The following SNX30 variants were observed in gnomAD, a reference collection of about 807,000 sequenced individuals.
The protein encoded by SNX30 is sorting nexin-30.
In SNX30, 24 loss-of-function variants were observed where a neutral mutation model predicts 46.4. The ratio of observed to expected loss-of-function variants is 0.52; its 90% CI spans 0.37 to 0.73. The LOEUF is 0.73. Among genes scored for constraint, SNX30 ranks in the 30% least tolerant of loss-of-function variants. The probability of loss-of-function intolerance (pLI) is 0.00; values close to 1 mark genes in which losing one functional copy is unlikely to be tolerated. For missense variants in SNX30, 533 were observed against 555.7 expected (o/e 0.96, Z 0.41); for synonymous variants, 189 against 211.5 (o/e 0.89, Z 0.92).
At chr9:112,837,483 GT>G (rs768357470) in intron 5 of SNX30, among the ~76,000 whole-genome samples, 2 of 148,376 alleles carry the variant, frequency 1.3e-5, no homozygotes, top group African/African-American at 2.5e-5. Context: ...TTGGTTTTTG[GT>G]TTTTTTTTTG....
chr9:112,883,682 T>A (rs1354640531), downstream of SNX30, among the ~76,000 whole-genome samples: 1 of 133,252 alleles, frequency 7.5e-6, no homozygotes, highest in Admixed American at 8.9e-5. Flanking sequence ...TCTTTTCTGT[T>A]TTTTTCTTTT....
chr9:112,805,791 T>G (rs1374919373), intron 2 of SNX30, among the ~76,000 whole-genome samples: 1 of 152,168 alleles, frequency 6.6e-6, no homozygotes, highest in African/African-American at 2.4e-5. Context: ...ATCTTAAAAC[T>G]TATATCCTTT....
chr9:112,757,645 G>A (rs533424041), intron 1 of SNX30, among the ~76,000 whole-genome samples: 18 of 152,106 alleles, frequency 1.2e-4, no homozygotes, highest in Middle Eastern at 3.4e-3. Flanking sequence ...CCTTTTCCCC[G>A]CGTATATCAT....
chr9:112,764,403 T>C (rs1588107801), intron 1 of SNX30, among the ~76,000 whole-genome samples: 1 of 152,054 alleles, frequency 6.6e-6, no homozygotes, highest in East Asian at 1.9e-4. Flanking sequence ...TTTAAAGAGA[T>C]GGGGTCTCAC....
intron 1 of SNX30, among the ~76,000 whole-genome samples, chr9:112,771,434 G>GA (rs896513536): frequency 2.6e-5 from 4 of 152,072 alleles, no homozygotes; most frequent in Non-Finnish European, 4.4e-5. Context: ...TGCAACAATG[G>GA]AAAAAAACGT....
rs1032396941 is a variant in SNX30, at chr9:112,873,192, G to A, written c.*4349G>A. The A allele has an allele frequency of 2.0e-5, 3 of 152,080 alleles. No homozygotes were observed. Among genetic ancestry groups the A allele is most frequent in the African/African-American group, 7.2e-5 (3 of 41,406 alleles). The allele number at this position is 152,080 out of a possible 1,614,324, so 9.4% of individuals were successfully genotyped here. The stretch of plus-strand genomic sequence containing the variant: ...CCCTTTCTGTGTGGCAGAAAAATAT[G>A]TTTTCCAGGTAGTTTTTACTACTAC... On this transcript the variant is annotated 3_prime_UTR_variant, in exon 9 of 9. Coordinates refer to ENST00000374232, the MANE Select transcript of SNX30 (RefSeq NM_001012994.2).
In SNX30 at chr9:112,869,330, G is replaced by T; in HGVS notation, c.*487G>T. Reference sequence around the variant, plus strand: ...GTGGGCATTGACTCGTCTTGGCCTAGGAGGCATTGGTGCCTCCCTGGCAAG... The same window carrying T: ...GTGGGCATTGACTCGTCTTGGCCTATGAGGCATTGGTGCCTCCCTGGCAAG... On this transcript the variant is annotated 3_prime_UTR_variant, in exon 9 of 9. Transcript: ENST00000374232. 5.5e-6 allele frequency: 1 copy of T among 183,080 alleles called. No individual in the cohort carries two copies. Among genetic ancestry groups the T allele is most frequent in the East Asian group, 1.3e-4 (1 of 7,714 alleles). 11.3% of individuals were successfully genotyped at this position (183,080 alleles called of 1,614,324 possible).
At chr9:112,819,266 C>CTTTT (rs35138610) in intron 3 of SNX30, among the ~76,000 whole-genome samples, 72 of 116,970 alleles carry the variant, frequency 6.2e-4, no homozygotes, top group Non-Finnish European at 7.7e-4. Context: ...TTCTTTCTTT[C>CTTTT]TTTTTTTTTT....
chr9:112,761,594 GAAA>G (rs1298787982), intron 1 of SNX30, among the ~76,000 whole-genome samples: 2 of 152,212 alleles, frequency 1.3e-5, no homozygotes, highest in Non-Finnish European at 1.5e-5. Context: ...AGAAAGATTA[GAAA>G]ATATAAAGAT....
At chr9:112,771,636 T>C (rs566464257) in intron 1 of SNX30, among the ~76,000 whole-genome samples, 1 of 152,274 alleles carries the variant, frequency 6.6e-6, no homozygotes, top group African/African-American at 2.4e-5. Context: ...CTTCCCTCTC[T>C]CTTTCTAATT....
chr9:112,879,967 AC>A, downstream of SNX30: 1 of 616,274 alleles, frequency 1.6e-6, no homozygotes. Context: ...GTGCACTGTG[AC>A]CCATCTCCCT....
intron 1 of SNX30, among the ~76,000 whole-genome samples, chr9:112,774,528 C>T (rs934914019): frequency 2.6e-5 from 4 of 152,132 alleles, no homozygotes; most frequent in East Asian, 1.9e-4. Flanking sequence ...CTTTGGTTGA[C>T]GTGTTTTCAT....
chr9:112,827,099 C>A (rs1263660365), intron 3 of SNX30, among the ~76,000 whole-genome samples: 1 of 152,180 alleles, frequency 6.6e-6, no homozygotes, highest in African/African-American at 2.4e-5. Flanking sequence ...AAGAATCCCC[C>A]AGTATTCTTA....
In SNX30 at chr9:112,832,986, C is replaced by T. The variant is rs889500894; in HGVS notation, c.618+2103C>T. Among the ~76,000 whole-genome samples, 12 of 151,618 alleles carry T rather than the reference C, an allele frequency of 7.9e-5. No homozygotes were observed. In the East Asian group the frequency reaches 1.9e-3, roughly 24 times the overall value. On this transcript the variant is annotated intron_variant, in intron 4 of 8. Coordinates refer to ENST00000374232, the MANE Select transcript of SNX30 (RefSeq NM_001012994.2). The stretch of plus-strand genomic sequence containing the variant: ...ACAAATTTTAGCCCTAATTCAGTAT[C>T]GCTTGCTGAACAAAATGTGCTAAAT...
intron 6 of SNX30, among the ~76,000 whole-genome samples, chr9:112,848,958 A>G (rs1308965629): frequency 1.3e-5 from 2 of 152,124 alleles, no homozygotes; most frequent in African/African-American, 2.4e-5. Flanking sequence ...GTTCCAGGGC[A>G]TTGTCTTAAC....
At chr9:112,882,080 A>T (rs1004551291), downstream of SNX30, among the ~76,000 whole-genome samples, 1 of 152,092 alleles carries the variant, frequency 6.6e-6, no homozygotes, top group Non-Finnish European at 1.5e-5. Context: ...TGTTGCCCAT[A>T]GTAAGACATT....
At chr9:112,786,844 G>A (rs865949111) in intron 1 of SNX30, among the ~76,000 whole-genome samples, 68 of 152,152 alleles carry the variant, frequency 4.5e-4, no homozygotes, top group African/African-American at 1.4e-3. Flanking sequence ...CTCCTTGTCT[G>A]GTTACTTAGG....
At chr9:112,759,490 G>A (rs988083860) in intron 1 of SNX30, among the ~76,000 whole-genome samples, 1 of 152,100 alleles carries the variant, frequency 6.6e-6, no homozygotes, top group Non-Finnish European at 1.5e-5. Flanking sequence ...AGCACTTTGG[G>A]AGGCCGAGGC....
At chr9:112,827,312 G>A (rs1840592650) in intron 3 of SNX30, among the ~76,000 whole-genome samples, 1 of 152,188 alleles carries the variant, frequency 6.6e-6, no homozygotes, top group South Asian at 2.1e-4. Context: ...TGAAGTTGAT[G>A]CTATTAGTTT....
Sources: allele counts gnomAD v4.1 joint callset (sites outside exome capture counted in the v4.1 genomes callset), GRCh38; gene constraint gnomAD v4.1.1; transcripts MANE v1.5; gene names NCBI Gene and HGNC (gene_info 2026-07-23, HGNC 2026-07-21).